Variants in ARMC2 observed in about 807,000 individuals in gnomAD.
ARMC2 encodes the protein armadillo repeat-containing protein 2.
Under a neutral mutation model 90.3 loss-of-function variants are expected in ARMC2, and 67 were observed. The ratio of observed to expected loss-of-function variants is 0.74; its 90% CI spans 0.61 to 0.91. The LOEUF (loss-of-function observed/expected upper bound fraction) is 0.91. Among genes scored for constraint, ARMC2 ranks in the 40% least tolerant of loss-of-function variants. The pLI, the probability that ARMC2 is intolerant of heterozygous loss-of-function variation, is 0.00. For missense variants in ARMC2, 920 were observed against 1,030.9 expected, an observed-to-expected ratio of 0.89 and a Z score of 1.47; for synonymous variants, 393 against 393.0, an observed-to-expected ratio of 1.00 and a Z score of 0.00.
intron 10 of ARMC2, among the ~76,000 whole-genome samples, chr6:108,914,912 A>T (rs1773793597): frequency 6.6e-6 from 1 of 151,366 alleles, no homozygotes; most frequent in African/African-American, 2.4e-5. Flanking sequence ...GTCTGTTTAC[A>T]CCAGCTTTGA....
intron 5 of ARMC2, among the ~76,000 whole-genome samples, chr6:108,881,320 T>A (rs2128444189): frequency 9.3e-6 from 1 of 107,414 alleles, no homozygotes; most frequent in Non-Finnish European, 2.0e-5. Context: ...CTTCCTTCAC[T>A]CCTTCCTTCC....
downstream of ARMC2, among the ~76,000 whole-genome samples, chr6:108,975,710 A>G (rs1362286086): frequency 6.6e-6 from 1 of 152,170 alleles, no homozygotes; most frequent in African/African-American, 2.4e-5. Context: ...CTGGCGTGAC[A>G]TGGTATCTCA....
At chr6:108,918,559 T>C (rs1196366814) in intron 10 of ARMC2, among the ~76,000 whole-genome samples, 1 of 152,160 alleles carries the variant, frequency 6.6e-6, no homozygotes, top group Non-Finnish European at 1.5e-5. Flanking sequence ...CCTGTATTCA[T>C]TGTTTGCCGT....
intron 10 of ARMC2, among the ~76,000 whole-genome samples, chr6:108,921,698 A>G (rs1774588134): frequency 6.6e-6 from 1 of 152,218 alleles, no homozygotes; most frequent in African/African-American, 2.4e-5. Context: ...GCCTTTATTA[A>G]TAGAGGGAGA....
At chr6:108,852,476 T>C (rs1774108244) in intron 1 of ARMC2, among the ~76,000 whole-genome samples, 1 of 152,234 alleles carries the variant, frequency 6.6e-6, no homozygotes, top group South Asian at 2.1e-4. Flanking sequence ...CAGTATAGTA[T>C]TTGGTCAGTC....
At chr6:109,005,429 A>C in the ARMC2 span, among the ~76,000 whole-genome samples, 1 of 152,232 alleles carries the variant, frequency 6.6e-6, no homozygotes, top group Non-Finnish European at 1.5e-5. Context: ...CATGAAAGGT[A>C]GTTACCTTTT....
At chr6:109,011,912 A>G in the ARMC2 span, among the ~76,000 whole-genome samples, 1 of 152,156 alleles carries the variant, frequency 6.6e-6, no homozygotes, top group Non-Finnish European at 1.5e-5. Flanking sequence ...TACAGGTGTG[A>G]GCCACCACAC....
At chr6:108,871,741 T>G (rs1776436758) in intron 4 of ARMC2, among the ~76,000 whole-genome samples, 1 of 152,094 alleles carries the variant, frequency 6.6e-6, no homozygotes, top group Admixed American at 6.5e-5. Flanking sequence ...CCCGCTGGGG[T>G]ACCTGCCTGT....
Position 108,965,160 on chromosome 6 carries a change from T to C in ARMC2, c.2446+20T>C. 1 of 1,576,098 alleles carries C rather than the reference T, an allele frequency of 6.3e-7. No individual in the cohort carries two copies. Among genetic ancestry groups the C allele is most frequent in the Non-Finnish European group, 8.7e-7 (1 of 1,151,120 alleles). Reference sequence around the variant, plus strand: ...TTTTAGGTAAGACTCTTGACTATGATGAGTCTGTGAGTTTTATCAGAGTGT... The same window carrying C: ...TTTTAGGTAAGACTCTTGACTATGACGAGTCTGTGAGTTTTATCAGAGTGT... On this transcript the variant is annotated intron_variant, in intron 17 of 17. Coordinates refer to ENST00000392644, the MANE Select transcript of ARMC2 (RefSeq NM_032131.6).
intron 10 of ARMC2, among the ~76,000 whole-genome samples, chr6:108,926,444 G>A (rs1396224048): frequency 6.6e-6 from 1 of 152,208 alleles, no homozygotes; most frequent in Non-Finnish European, 1.5e-5. Context: ...TCTATTCCTG[G>A]CTGGGCGCAG....
intron 3 of ARMC2, among the ~76,000 whole-genome samples, chr6:108,868,384 T>A (rs1252071595): frequency 1.3e-5 from 2 of 152,020 alleles, no homozygotes; most frequent in African/African-American, 4.8e-5. Context: ...GCCCAGCCTA[T>A]TTTTGTATTT....
chr6:108,922,065 G>C (rs1321957759), intron 10 of ARMC2, among the ~76,000 whole-genome samples: 2 of 152,202 alleles, frequency 1.3e-5, no homozygotes, highest in African/African-American at 4.8e-5. Flanking sequence ...AATCTGGTGA[G>C]TTCCTTGAGG....
At chr6:108,925,465 G>A (rs930923141) in intron 10 of ARMC2, among the ~76,000 whole-genome samples, 21 of 152,224 alleles carry the variant, frequency 1.4e-4, no homozygotes, top group Non-Finnish European at 1.5e-5. Flanking sequence ...CGTCTAGTCT[G>A]GAGGAGTAGA....
intron 3 of ARMC2, among the ~76,000 whole-genome samples, chr6:108,862,975 A>T (rs1319455442): frequency 6.6e-6 from 1 of 151,656 alleles, no homozygotes; most frequent in East Asian, 1.9e-4. Context: ...CTCCCCACTC[A>T]CCCTCCAGCG....
the ARMC2 span, among the ~76,000 whole-genome samples, chr6:109,030,116 C>T: frequency 6.6e-6 from 1 of 152,142 alleles, no homozygotes; most frequent in Non-Finnish European, 1.5e-5. Context: ...CACGTGTCTG[C>T]TTCCTCTGAT....
intron 1 of ARMC2, among the ~76,000 whole-genome samples, chr6:108,853,454 T>C (rs1774207720): frequency 6.6e-6 from 1 of 152,170 alleles, no homozygotes; most frequent in African/African-American, 2.4e-5. Context: ...TCTGTCTCTT[T>C]AGAGATATGA....
chr6:108,960,109 A>G (rs1365933070), intron 13 of ARMC2, among the ~76,000 whole-genome samples: 1 of 152,108 alleles, frequency 6.6e-6, no homozygotes, highest in African/African-American at 2.4e-5. Flanking sequence ...GCACCTCAGC[A>G]TATCTTAAGC....
intron 12 of ARMC2, among the ~76,000 whole-genome samples, chr6:108,945,012 A>C (rs1048200068): frequency 1.3e-5 from 2 of 152,216 alleles, no homozygotes; most frequent in Admixed American, 6.5e-5. Context: ...CGTTCGGCTT[A>C]ATGCCGTATG....
rs1774320038 is a variant in ARMC2, at chr6:108,854,382, A to C, written c.115A>C (p.Thr39Pro). Residue 39 changes from threonine (T) to proline (P), a missense_variant, in exon 2 of 18, where the codon ACA becomes CCA. Thr to Pro is a conservative substitution (Grantham distance 38). Coordinates refer to ENST00000392644, the MANE Select transcript of ARMC2 (RefSeq NM_032131.6). ...AAGTGAAGCAAGAAATGCATTAAGA[A>C]CAGTTAGAACCCAAAGACCATTTAC... ...IISEARNALRTVRTQRPFTPQ... is the reference protein window; with the variant it reads ...IISEARNALRPVRTQRPFTPQ... 1 of 1,613,242 alleles carries C rather than the reference A, an allele frequency of 6.2e-7. No individual in the cohort carries two copies. Among genetic ancestry groups the C allele is most frequent in the African/African-American group, 1.3e-5 (1 of 74,726 alleles).
Sources: gnomAD v4.1 joint callset for allele counts (sites outside exome capture counted in the v4.1 genomes callset) on GRCh38, gnomAD v4.1.1 for gene constraint, MANE v1.5 for transcripts, NCBI Gene and HGNC (gene_info 2026-07-23, HGNC 2026-07-21) for gene names.